DCUN1D4: variants seen among roughly 807,000 people sequenced by gnomAD.
DCUN1D4 encodes the protein DCN1-like protein 4.
Under a neutral mutation model 47.9 loss-of-function variants are expected in DCUN1D4, and 22 were observed. That is an observed-to-expected ratio of 0.46 (90% CI 0.33 to 0.66). The LOEUF is 0.66. DCUN1D4 is among the 30% of genes least tolerant of loss of function. The pLI, the probability that DCUN1D4 is intolerant of heterozygous loss-of-function variation, is 0.02. For synonymous variants in DCUN1D4, 121 were observed against 112.2 expected, an observed-to-expected ratio of 1.08 and a Z score of -0.50; for missense variants, 301 against 340.8, an observed-to-expected ratio of 0.88 and a Z score of 0.92.
At chr4:51,855,374 A>G (rs1399179457) in intron 1 of DCUN1D4, among the ~76,000 whole-genome samples, 1 of 152,236 alleles carries the variant, frequency 6.6e-6, no homozygotes, top group East Asian at 1.9e-4. Context: ...ATTCCATGCT[A>G]TGTGAATTAT....
At chr4:51,834,867 C>T in the DCUN1D4 span, among the ~76,000 whole-genome samples, 1 of 152,236 alleles carries the variant, frequency 6.6e-6, no homozygotes, top group African/African-American at 2.4e-5. Context: ...TGTAACTACA[C>T]TCTGCTACTT....
In DCUN1D4 at chr4:51,891,814, A is replaced by T; in HGVS notation, c.469A>T (p.Thr157Ser). ...KLDAQNMGYF[T>S]LQEWLKGMTS... ...GGATGCACAAAACATGGGTTATTTT[A>T]CTCTACAGGAGTGGTTAAAAGGAAT... Residue 157 changes from threonine to serine, a missense_variant, in exon 7 of 11, where the codon ACT becomes TCT. Physicochemically the swap from Thr to Ser is moderately conservative, Grantham distance 58. This residue lies in a region of DCUN1D4 where 170 missense variants were observed against 234.5 expected (regional missense o/e 0.73). Transcript: ENST00000334635. 1 of 1,612,868 alleles carries T rather than the reference A, an allele frequency of 6.2e-7. No individual in the cohort carries two copies. Among genetic ancestry groups the T allele is most frequent in the Non-Finnish European group, 8.5e-7 (1 of 1,179,536 alleles).
At chr4:51,848,096 A>G (rs933794219) in intron 1 of DCUN1D4, 1 of 774,914 alleles carries the variant, frequency 1.3e-6, no homozygotes, top group Non-Finnish European at 1.8e-6. Flanking sequence ...GTCTTTCATT[A>G]TCTTTAGATT....
In DCUN1D4 at chr4:51,867,090, A is replaced by G. The variant is rs147958925; in HGVS notation, c.136+3381A>G. 4.5e-3 allele frequency among the ~76,000 whole-genome samples: 679 copies of G among 152,358 alleles called. 2 individuals carry two copies. Among genetic ancestry groups the G allele is most frequent in the Non-Finnish European group, 6.5e-3 (443 of 68,034 alleles). On this transcript the variant is annotated intron_variant, in intron 3 of 10. Coordinates refer to ENST00000334635, the MANE Select transcript of DCUN1D4 (RefSeq NM_001040402.3). The stretch of plus-strand genomic sequence containing the variant: ...GCATGCTGGCTGCTGCAGTGGGGCA[A>G]GTAGCTCCAGGTGCCAGCACAGGCG...
intron 3 of DCUN1D4, among the ~76,000 whole-genome samples, chr4:51,869,306 GAT>G (rs1286779574): frequency 6.6e-6 from 1 of 152,118 alleles, no homozygotes; most frequent in Non-Finnish European, 1.5e-5. Flanking sequence ...CTACTGGTAA[GAT>G]ATCTTAAGCG....
chr4:51,874,566 A>G (rs1347687116), intron 4 of DCUN1D4, among the ~76,000 whole-genome samples, 181 bp downstream of exon 4: 1 of 152,258 alleles, frequency 6.6e-6, no homozygotes, highest in African/African-American at 2.4e-5. Context: ...TAAAAACGTA[A>G]GAACAAATTA....
intron 1 of DCUN1D4, among the ~76,000 whole-genome samples, chr4:51,858,210 C>G (rs1276168985): frequency 1.3e-5 from 2 of 151,976 alleles, no homozygotes; most frequent in African/African-American, 4.8e-5. Context: ...GTGGAGTGAT[C>G]AAATCAGACT....
At chr4:51,834,377 C>T in the DCUN1D4 span, among the ~76,000 whole-genome samples, 4 of 151,312 alleles carry the variant, frequency 2.6e-5, no homozygotes, top group Admixed American at 6.6e-5. Flanking sequence ...AGTTTGTGCT[C>T]CAGTAGCACA....
chr4:51,851,833 AG>A (rs1723423825), intron 1 of DCUN1D4, among the ~76,000 whole-genome samples: 1 of 152,198 alleles, frequency 6.6e-6, no homozygotes, highest in African/African-American at 2.4e-5. Flanking sequence ...GAGGACGCTG[AG>A]GTGTAGAAAG....
intron 9 of DCUN1D4, among the ~76,000 whole-genome samples, chr4:51,913,021 A>G (rs1277472368): frequency 1.3e-5 from 2 of 152,070 alleles, no homozygotes; most frequent in Non-Finnish European, 2.9e-5. Context: ...GCAGTTTAGA[A>G]TTTTCACTTC....
At chr4:51,860,528 C>CT in intron 1 of DCUN1D4, 1 of 452,610 alleles carries the variant, frequency 2.2e-6, no homozygotes, top group Non-Finnish European at 4.4e-6. Context: ...GTTTAATTGA[C>CT]TCACGGTTCT....
chr4:51,845,482 G>C (rs1245858907), intron 1 of DCUN1D4, among the ~76,000 whole-genome samples: 1 of 152,100 alleles, frequency 6.6e-6, no homozygotes, highest in African/African-American at 2.4e-5. Flanking sequence ...TTGTTTGCTT[G>C]TTTTATTATT....
At chr4:51,876,891 C>T (rs1727796773) in intron 4 of DCUN1D4, among the ~76,000 whole-genome samples, 1 of 152,136 alleles carries the variant, frequency 6.6e-6, no homozygotes, top group East Asian at 1.9e-4. Context: ...CTTATATACA[C>T]CACTAGGTAA....
intron 6 of DCUN1D4, among the ~76,000 whole-genome samples, chr4:51,889,137 C>A (rs1356977705): frequency 6.6e-6 from 1 of 152,086 alleles, no homozygotes; most frequent in Non-Finnish European, 1.5e-5. Flanking sequence ...AGAATATTAT[C>A]CAAATATTTA....
At chr4:51,842,636 C>T (rs1263307989), upstream of DCUN1D4, among the ~76,000 whole-genome samples, 5 of 152,246 alleles carry the variant, frequency 3.3e-5, no homozygotes, top group Admixed American at 3.3e-4. Flanking sequence ...TGTCGTGGGA[C>T]AAGTGGCGGG....
chr4:51,859,635 A>C (rs1724707942), intron 1 of DCUN1D4, among the ~76,000 whole-genome samples: 1 of 137,016 alleles, frequency 7.3e-6, no homozygotes, highest in Non-Finnish European at 1.5e-5. Flanking sequence ...TAGTTAAAAC[A>C]AGCAAAAAAA....
intron 1 of DCUN1D4, chr4:51,845,055 C>G (rs1418418504): frequency 1.0e-6 from 1 of 985,366 alleles, no homozygotes; most frequent in Admixed American, 6.1e-5. Flanking sequence ...TTTCCCCCTG[C>G]ATTTTGTGGC....
rs1234571046 is a variant in DCUN1D4, at chr4:51,865,906, C to A, written c.136+2197C>A. ...AGCACAAGCCAGCATACCTGCTGAC[C>A]CTTTACACCCTGCACTATGACAGTG... On this transcript the variant is annotated intron_variant, in intron 3 of 10. Transcript: ENST00000334635. Among the ~76,000 whole-genome samples the A allele has an allele frequency of 2.6e-5, 4 of 152,140 alleles. No individual in the cohort carries two copies. In the East Asian group the frequency reaches 7.7e-4, roughly 29 times the overall value.
At chr4:51,841,110 A>G (rs894902778), upstream of DCUN1D4, among the ~76,000 whole-genome samples, 4 of 152,246 alleles carry the variant, frequency 2.6e-5, no homozygotes, top group African/African-American at 9.6e-5. Flanking sequence ...TATGCTGCAA[A>G]TAAATTAATA....
Sources: gnomAD v4.1 joint callset for allele counts (sites outside exome capture counted in the v4.1 genomes callset) on GRCh38, gnomAD v4.1.1 for gene constraint, gnomAD v4.1.1 regional missense constraint, MANE v1.5 for transcripts, NCBI Gene and HGNC (gene_info 2026-07-23, HGNC 2026-07-21) for gene names.